Variants in PIMREG observed in about 807,000 individuals in gnomAD.
PIMREG encodes PICALM interacting mitotic regulator.
Under a neutral mutation model 24.3 loss-of-function variants are expected in PIMREG, and 19 were observed. That is an observed-to-expected ratio of 0.78 (90% CI 0.54 to 1.15). The LOEUF (loss-of-function observed/expected upper bound fraction) is 1.15. PIMREG is among the 50% of genes most tolerant of loss of function. The pLI is 0.00. For missense variants in PIMREG, 283 were observed against 306.8 expected (o/e 0.92, Z 0.58); for synonymous variants, 112 against 124.1 (o/e 0.90, Z 0.65).
rs377526630 is a variant in PIMREG, at chr17:6,449,398, C to A, written c.677C>A (p.Ala226Glu). 5 of 1,612,686 alleles carry A rather than the reference C, an allele frequency of 3.1e-6. No individual in the cohort carries two copies. The highest frequency in any genetic ancestry group is 2.2e-5 in the South Asian group (2 of 90,878). Residue 226 changes from alanine to glutamate, a missense_variant, in exon 4 of 6, where the codon GCG (alanine) becomes GAG (glutamate). Coordinates refer to ENST00000572447, the MANE Select transcript of PIMREG (RefSeq NM_019013.3). ...LSQELDEAIM[A>E]EESGDIVSLI... is the part of the protein sequence containing the mutation. ...CAAGAGCTAGATGAAGCCATTATGG[C>A]GGAAGAGAGGTGAGTTGGCATCCCA...
chr17:6,450,104 T>G (rs367924869), intron 5 of PIMREG, 32 bp downstream of exon 5: 5 of 1,607,396 alleles, frequency 3.1e-6, no homozygotes, highest in Non-Finnish European at 4.3e-6. Context: ...TCTTTCTCAC[T>G]GTCCTTCTCC....
In PIMREG at chr17:6,450,521, G is replaced by A. The variant is rs1913790420; in HGVS notation, c.*174G>A. The A allele has an allele frequency of 1.1e-6, 1 of 882,286 alleles. No homozygotes were observed. The highest frequency in any genetic ancestry group is 2.8e-5 in the Admixed American group (1 of 36,076). The allele number at this position is 882,286 out of a possible 1,614,324, so 54.7% of individuals were successfully genotyped here. A position where few individuals can be genotyped will look rare whatever the true frequency, so the allele number is the denominator to read the frequency against. ...AGAGCCCCCTGCTCCAGCCACATCT[G>A]GACCCATCAGTGACTGCCTGCCATA... On this transcript the variant is annotated 3_prime_UTR_variant, in exon 6 of 6. Coordinates refer to ENST00000572447, the MANE Select transcript of PIMREG (RefSeq NM_019013.3).
chr17:6,449,667 G>A lies in PIMREG; in HGVS notation c.686+260G>A, dbSNP rs1317888554. On this transcript the variant is annotated intron_variant, in intron 4 of 5. Coordinates refer to ENST00000572447, the MANE Select transcript of PIMREG (RefSeq NM_019013.3). ...GTTTGTCCATCACTTGGAACCTCAC[G>A]TGTGGCTGGTTCCTGAAAAACCTGC... 19 of 1,379,830 alleles carry A rather than the reference G, an allele frequency of 1.4e-5. No individual in the cohort carries two copies. The East Asian group carries it at 1.6e-4, about 11-fold the overall frequency. The allele number at this position is 1,379,830 out of a possible 1,614,324, so 85.5% of individuals were successfully genotyped here. A position where few individuals can be genotyped will look rare whatever the true frequency, so the allele number is the denominator to read the frequency against.
chr17:6,447,074 G>A (rs1184296905), intron 2 of PIMREG, among the ~76,000 whole-genome samples: 1 of 150,854 alleles, frequency 6.6e-6, no homozygotes. Context: ...TGTATGGTCT[G>A]GAGACCAAGG....
chr17:6,444,954 A>C lies in PIMREG; in HGVS notation c.-35-122A>C. 1.5e-6 allele frequency: 1 copy of C among 687,660 alleles called. No individual in the cohort carries two copies. Among genetic ancestry groups the C allele is most frequent in the East Asian group, 3.0e-5 (1 of 33,360 alleles). The allele number at this position is 687,660 out of a possible 1,614,324, so 42.6% of individuals were successfully genotyped here. On this transcript the variant is annotated intron_variant, in intron 1 of 5. Coordinates refer to ENST00000572447, the MANE Select transcript of PIMREG (RefSeq NM_019013.3). The surrounding 1 kb of genome is among the most constrained non-coding windows in gnomAD (Gnocchi z 4.3). ...CCTCCTTCCTGCACCCACACTTACC[A>C]ACTCGCCCGCCCCCGCCACCCCGCT...
intron 4 of PIMREG, 101 bp from the exon 5 acceptor site, chr17:6,449,927 T>C (rs1291711486): frequency 7.5e-6 from 11 of 1,459,226 alleles, no homozygotes; most frequent in Non-Finnish European, 8.6e-6. Flanking sequence ...GGGGCCATAT[T>C]CCTACCACAT....
rs777477533 is a variant in PIMREG at position 6,445,074 on chromosome 17, AG to A, written c.-34del. On this transcript the variant is annotated splice_acceptor_variant, in intron 1 of 5. Coordinates refer to ENST00000572447, the MANE Select transcript of PIMREG (RefSeq NM_019013.3). LOFTEE classifies it low-confidence loss of function (5UTR_SPLICE). ...TGATCTGCCTTTCGCCCTCCTCCCC[AG>A]GGTCTAGTGGACAGAGAAGACTCTT... 6.5e-7 allele frequency: 1 copy of A among 1,529,142 alleles called. No homozygotes were observed. The highest frequency in any genetic ancestry group is 2.3e-5 in the East Asian group (1 of 43,870). The allele number at this position is 1,529,142 out of a possible 1,614,324, so 94.7% of individuals were successfully genotyped here. A position where few individuals can be genotyped will look rare whatever the true frequency, so the allele number is the denominator to read the frequency against.
Position 6,450,014 on chromosome 17 carries a change from C to G in PIMREG, c.687-14C>G. On this transcript the variant is annotated splice_polypyrimidine_tract_variant and intron_variant, in intron 4 of 5. Transcript: ENST00000572447. ...ACCACACCCAGTGGCATCAATCCCT[C>G]CCCTTCTCTCTAGTGGTGACATCGT... is the stretch of plus-strand genomic sequence containing the variant. 6.2e-7 allele frequency: 1 copy of G among 1,613,986 alleles called. No homozygotes were observed. Among genetic ancestry groups the G allele is most frequent in the Non-Finnish European group, 8.5e-7 (1 of 1,179,832 alleles).
chr17:6,445,548 A>G, intron 2 of PIMREG, 144 bp downstream of exon 2: 1 of 817,522 alleles, frequency 1.2e-6, no homozygotes. Flanking sequence ...ACCACCCCAG[A>G]TAGTTCCTGG....
chr17:6,449,192 A>C, intron 3 of PIMREG, 120 bp from the exon 4 acceptor site: 1 of 715,218 alleles, frequency 1.4e-6, no homozygotes, highest in South Asian at 1.9e-5. Flanking sequence ...GAGGGTCTGG[A>C]GTGAAGCCCA....
In PIMREG at chr17:6,447,766, G is replaced by C; in HGVS notation, c.590+8G>C. The C allele has an allele frequency of 6.3e-7, 1 of 1,590,772 alleles. No individual in the cohort carries two copies. Among genetic ancestry groups the C allele is most frequent in the Non-Finnish European group, 8.6e-7 (1 of 1,164,328 alleles). The stretch of plus-strand genomic sequence containing the variant: ...GCCCCTCTGCTCTCCCAGGCAAGTG[G>C]GATAGTGCTTCACCCCGGGGCTGGT... On this transcript the variant is annotated splice_region_variant and intron_variant, in intron 3 of 5. Coordinates refer to ENST00000572447, the MANE Select transcript of PIMREG (RefSeq NM_019013.3).
At chr17:6,448,457 A>G (rs1048196023) in intron 3 of PIMREG, among the ~76,000 whole-genome samples, 1 of 152,076 alleles carries the variant, frequency 6.6e-6, no homozygotes, top group Non-Finnish European at 1.5e-5. Flanking sequence ...GAGGGCTAGC[A>G]TCTTTCTTTA....
At chr17:6,448,192 A>G (rs1271347645) in intron 3 of PIMREG, among the ~76,000 whole-genome samples, 1 of 143,174 alleles carries the variant, frequency 7.0e-6, no homozygotes, top group Non-Finnish European at 1.5e-5. Flanking sequence ...TTGAGGCAGG[A>G]GAATCGCTTG....
chr17:6,450,492 G>A lies in PIMREG; in HGVS notation c.*145G>A. On this transcript the variant is annotated 3_prime_UTR_variant, in exon 6 of 6. Coordinates refer to ENST00000572447, the MANE Select transcript of PIMREG (RefSeq NM_019013.3). ...ACTGCTAACAAGCACCTAACAAGGG[G>A]CCCAGAGCCCCCTGCTCCAGCCACA... is the stretch of plus-strand genomic sequence containing the variant. The A allele has an allele frequency of 7.9e-7, 1 of 1,264,046 alleles. No homozygotes were observed. Among genetic ancestry groups the A allele is most frequent in the Non-Finnish European group, 1.1e-6 (1 of 912,224 alleles). 78.3% of individuals were successfully genotyped at this position (1,264,046 alleles called of 1,614,324 possible).
At chr17:6,448,301 A>AAAAAAAAAAAAAAAAG (rs1259419657) in intron 3 of PIMREG, among the ~76,000 whole-genome samples, 12 of 149,314 alleles carry the variant, frequency 8.0e-5, no homozygotes, top group Admixed American at 1.3e-4. Context: ...AAAAAAAAAA[A>AAAAAAAAAAAAAAAAG]AGAGAGAGAG....
rs1424001956 is a variant in PIMREG, at chr17:6,445,077, G to T, written c.-34G>T. ...TCTGCCTTTCGCCCTCCTCCCCAGG[G>T]TCTAGTGGACAGAGAAGACTCTTGG... On this transcript the variant is annotated splice_region_variant and 5_prime_UTR_variant, in exon 2 of 6. Coordinates refer to ENST00000572447, the MANE Select transcript of PIMREG (RefSeq NM_019013.3). The T allele has an allele frequency of 4.5e-6, 7 of 1,543,340 alleles. No homozygotes were observed. Among genetic ancestry groups the T allele is most frequent in the South Asian group, 3.7e-5 (3 of 80,258 alleles).
chr17:6,449,859 A>G (rs990654271), intron 4 of PIMREG, 169 bp from the exon 5 acceptor site: 2 of 1,395,880 alleles, frequency 1.4e-6, no homozygotes, highest in Non-Finnish European at 1.9e-6. Flanking sequence ...TCCCCATTCC[A>G]CTTGTATAAT....
chr17:6,450,107 CCTT>C (rs753516676), intron 5 of PIMREG, 35 bp downstream of exon 5: 18 of 1,603,248 alleles, frequency 1.1e-5, no homozygotes, highest in East Asian at 6.7e-5. Flanking sequence ...TTCTCACTGT[CCTT>C]CTCCTCCATC....
At chr17:6,448,471 T>C (rs1005920737) in intron 3 of PIMREG, among the ~76,000 whole-genome samples, 4 of 152,150 alleles carry the variant, frequency 2.6e-5, no homozygotes, top group African/African-American at 9.7e-5. Context: ...TTCTTTAGCC[T>C]AATAGGAACT....
Sources: gnomAD v4.1 joint callset for allele counts (sites outside exome capture counted in the v4.1 genomes callset) on GRCh38, gnomAD v4.1.1 for gene constraint, Gnocchi (gnomAD v3.1) non-coding constraint, MANE v1.5 for transcripts, NCBI Gene and HGNC (gene_info 2026-07-23, HGNC 2026-07-21) for gene names.